MARCHF1: variants seen among roughly 807,000 people sequenced by gnomAD.
MARCHF1 encodes the protein E3 ubiquitin-protein ligase MARCHF1.
In MARCHF1, 40 loss-of-function variants were observed where a neutral mutation model predicts 54.2. That is an observed-to-expected ratio of 0.74 (90% CI 0.57 to 0.96). MARCHF1 has a LOEUF of 0.96. Among genes scored for constraint, MARCHF1 ranks in the 40% least tolerant of loss-of-function variants. MARCHF1 has a pLI of 0.00. For synonymous variants in MARCHF1, 236 were observed against 236.3 expected, an observed-to-expected ratio of 1.00 and a Z score of 0.01; for missense variants, 586 against 656.5, an observed-to-expected ratio of 0.89 and a Z score of 1.17.
intron 2 of MARCHF1, among the ~76,000 whole-genome samples, chr4:164,074,870 T>A (rs1253142890): frequency 6.6e-6 from 1 of 150,980 alleles, no homozygotes; most frequent in Non-Finnish European, 1.5e-5. Flanking sequence ...AATAAATTTC[T>A]TCTAAAATAT....
Position 163,525,461 on chromosome 4 carries a change from C to T in MARCHF1, c.*3287G>A, listed in dbSNP as rs1330029355. ...TTGCTGTATCTCAGGTTGTTGGGCT[C>T]ACTTTAGTTTAGATTTTGTTCATTT... On this transcript the variant is annotated 3_prime_UTR_variant, in exon 10 of 10. Coordinates refer to ENST00000514618, the MANE Select transcript of MARCHF1 (RefSeq NM_001394959.1). The T allele has an allele frequency of 6.6e-6, 1 of 152,108 alleles. No individual in the cohort carries two copies. The highest frequency in any genetic ancestry group is 2.4e-5 in the African/African-American group (1 of 41,444). The allele number at this position is 152,108 out of a possible 1,614,324, so 9.4% of individuals were successfully genotyped here. A position where few individuals can be genotyped will look rare whatever the true frequency, so the allele number is the denominator to read the frequency against.
At chr4:163,973,597 G>A (rs1752593365) in intron 3 of MARCHF1, among the ~76,000 whole-genome samples, 1 of 152,194 alleles carries the variant, frequency 6.6e-6, no homozygotes. Context: ...CTTCAATACA[G>A]GGAGATGAAA....
chr4:163,573,812 C>A (rs62334064), intron 8 of MARCHF1, among the ~76,000 whole-genome samples: 2 of 121,740 alleles, frequency 1.6e-5, no homozygotes, highest in Admixed American at 8.4e-5. Flanking sequence ...ATTTATAGTC[C>A]TTTGGGTATA....
At chr4:164,229,694 T>C (rs1481718444) in intron 1 of MARCHF1, among the ~76,000 whole-genome samples, 1 of 152,144 alleles carries the variant, frequency 6.6e-6, no homozygotes, top group Admixed American at 6.5e-5. Flanking sequence ...GGTTGGTTTC[T>C]GGGGAGGCCT....
At chr4:164,244,097 C>T (rs1348311795) in intron 1 of MARCHF1, among the ~76,000 whole-genome samples, 1 of 151,998 alleles carries the variant, frequency 6.6e-6, no homozygotes, top group African/African-American at 2.4e-5. Flanking sequence ...CAGCTCTGCA[C>T]CAAGCGGACC....
At chr4:164,064,412 A>G (rs1200106819) in intron 2 of MARCHF1, among the ~76,000 whole-genome samples, 2 of 152,068 alleles carry the variant, frequency 1.3e-5, no homozygotes, top group Non-Finnish European at 2.9e-5. Flanking sequence ...TTTTGTGGCA[A>G]TTGTGAAAGG....
At chr4:163,714,093 TTC>T (rs1745189753) in intron 4 of MARCHF1, among the ~76,000 whole-genome samples, 1 of 152,250 alleles carries the variant, frequency 6.6e-6, no homozygotes, top group African/African-American at 2.4e-5. Flanking sequence ...TCTCATGTTA[TTC>T]TTTCACTGGG....
intron 2 of MARCHF1, among the ~76,000 whole-genome samples, chr4:164,101,497 G>A: frequency 1.6e-5 from 2 of 124,616 alleles, no homozygotes; most frequent in Non-Finnish European, 3.6e-5. Flanking sequence ...CCCCCAGCAG[G>A]GGCACACTGA....
At chr4:163,572,282 C>T (rs1396937065) in intron 8 of MARCHF1, among the ~76,000 whole-genome samples, 1 of 148,956 alleles carries the variant, frequency 6.7e-6, no homozygotes, top group Non-Finnish European at 1.5e-5. Flanking sequence ...TTCTTCTGAA[C>T]GTTTAAAATG....
At chr4:164,129,592 AT>A (rs1756258396) in intron 1 of MARCHF1, among the ~76,000 whole-genome samples, 1 of 152,294 alleles carries the variant, frequency 6.6e-6, no homozygotes, top group Non-Finnish European at 1.5e-5. Flanking sequence ...TATATATATT[AT>A]TTTTTGAATT....
rs34653440 is a variant in MARCHF1 at position 164,274,037 on chromosome 4, A to AT, written c.-323+109832dup. ...AGTCCCCTAATCCTCCAAAATCACTATTTTTTTTTTTGACACACACTTTAC... is the reference window on the plus strand; with the variant it reads ...AGTCCCCTAATCCTCCAAAATCACTATTTTTTTTTTTTGACACACACTTTAC... On this transcript the variant is annotated intron_variant, in intron 1 of 9. Coordinates refer to ENST00000514618, the MANE Select transcript of MARCHF1 (RefSeq NM_001394959.1). 3.5e-3 allele frequency among the ~76,000 whole-genome samples: 518 copies of AT among 150,026 alleles called. 1 individual carries two copies. Among genetic ancestry groups the AT allele is most frequent in the Middle Eastern group, 6.8e-3 (2 of 292 alleles).
In MARCHF1 at chr4:164,146,833, T is replaced by G. The variant is rs571103894; in HGVS notation, c.-322-35171A>C. On this transcript the variant is annotated intron_variant, in intron 1 of 9. Coordinates refer to ENST00000514618, the MANE Select transcript of MARCHF1 (RefSeq NM_001394959.1). ...CCAAAATTGACAAATGGGATCTAATTAAACTAAAGAGCTTCTGCACAGCAA... is the reference window on the plus strand; with the variant it reads ...CCAAAATTGACAAATGGGATCTAATGAAACTAAAGAGCTTCTGCACAGCAA... 2.9e-3 allele frequency among the ~76,000 whole-genome samples: 439 copies of G among 151,736 alleles called. 3 individuals carry two copies. The highest frequency in any genetic ancestry group is 9.9e-3 in the African/African-American group (408 of 41,344).
chr4:163,794,534 T>C (rs947385975), intron 4 of MARCHF1, among the ~76,000 whole-genome samples: 3 of 152,300 alleles, frequency 2.0e-5, no homozygotes, highest in South Asian at 2.1e-4. Context: ...TACATGAGCA[T>C]AGATAAGACC....
At chr4:164,174,336 G>A (rs1428055449) in intron 1 of MARCHF1, among the ~76,000 whole-genome samples, 1 of 152,176 alleles carries the variant, frequency 6.6e-6, no homozygotes, top group East Asian at 1.9e-4. Context: ...AGTAAATACA[G>A]GGCTTAAAAG....
intron 3 of MARCHF1, among the ~76,000 whole-genome samples, chr4:163,889,956 A>T (rs1186028870): frequency 8.1e-6 from 1 of 123,674 alleles, no homozygotes; most frequent in East Asian, 2.4e-4. Context: ...ATGGAATCTC[A>T]CTCTGTTGCC....
chr4:163,647,408 A>G (rs1307724518), intron 5 of MARCHF1, among the ~76,000 whole-genome samples: 1 of 152,066 alleles, frequency 6.6e-6, no homozygotes, highest in East Asian at 1.9e-4. Flanking sequence ...TTTAGGTGAA[A>G]TGGACCTAAC....
chr4:163,797,798 T>C (rs1213132438), intron 4 of MARCHF1, among the ~76,000 whole-genome samples: 1 of 152,152 alleles, frequency 6.6e-6, no homozygotes, highest in Non-Finnish European at 1.5e-5. Flanking sequence ...TAATATATTA[T>C]TGTTATTCAG....
At chr4:163,908,173 C>A (rs1476400193) in intron 3 of MARCHF1, among the ~76,000 whole-genome samples, 2 of 152,148 alleles carry the variant, frequency 1.3e-5, no homozygotes, top group Non-Finnish European at 2.9e-5. Context: ...TCTATCCACA[C>A]AAAAGATTTT....
chr4:163,745,034 GC>G (rs1232193323), intron 4 of MARCHF1, among the ~76,000 whole-genome samples: 3 of 151,952 alleles, frequency 2.0e-5, no homozygotes, highest in Non-Finnish European at 4.4e-5. Context: ...AAACAGCTTA[GC>G]AATCTCACGC....
Sources: allele counts gnomAD v4.1 joint callset (sites outside exome capture counted in the v4.1 genomes callset), GRCh38; gene constraint gnomAD v4.1.1; transcripts MANE v1.5; gene names NCBI Gene and HGNC (gene_info 2026-07-23, HGNC 2026-07-21).